UTS2B: variants seen among roughly 807,000 people sequenced by gnomAD.
UTS2B encodes the protein urotensin 2B.
A neutral mutation model predicts 19.2 loss-of-function variants in UTS2B; 21 were observed. The observed-to-expected ratio is 1.09, with a 90% CI of 0.78 to 1.58. UTS2B has a LOEUF of 1.58. Among genes scored for constraint, UTS2B ranks in the 40% most tolerant of loss-of-function variants. The pLI is 0.00. For missense variants in UTS2B, 138 were observed against 130.3 expected (o/e 1.06, Z -0.29); for synonymous variants, 57 against 50.2 (o/e 1.14, Z -0.58).
At chr3:191,319,886 CTT>C (rs34656108) in intron 2 of UTS2B, among the ~76,000 whole-genome samples, 1,592 of 143,066 alleles carry the variant, frequency 0.011, 28 homozygotes, top group African/African-American at 0.037. Context: ...AAAAAAGCCA[CTT>C]TTTTTTTTTT....
chr3:191,338,505 A>C, the UTS2B span, among the ~76,000 whole-genome samples: 49 of 152,192 alleles, frequency 3.2e-4, no homozygotes, highest in African/African-American at 1.1e-3. Flanking sequence ...CAATGTCTGC[A>C]TTTATAGATC....
At chr3:191,306,548 C>G (rs1436093233) in intron 3 of UTS2B, among the ~76,000 whole-genome samples, 1 of 152,176 alleles carries the variant, frequency 6.6e-6, no homozygotes, top group Non-Finnish European at 1.5e-5. Context: ...TATAATGGTT[C>G]AGAAGACCTG....
chr3:191,338,932 A>C, the UTS2B span, among the ~76,000 whole-genome samples: 1 of 152,296 alleles, frequency 6.6e-6, no homozygotes, highest in East Asian at 1.9e-4. Context: ...TGCTGTTACT[A>C]GAGTATTCAG....
At chr3:191,339,571 T>G in the UTS2B span, among the ~76,000 whole-genome samples, 1 of 152,184 alleles carries the variant, frequency 6.6e-6, no homozygotes, top group South Asian at 2.1e-4. Flanking sequence ...GTAGCAATCA[T>G]AGAGAAATCT....
At chr3:191,270,447 CT>C (rs1716057018) in intron 8 of UTS2B, among the ~76,000 whole-genome samples, 1 of 152,200 alleles carries the variant, frequency 6.6e-6, no homozygotes, top group South Asian at 2.1e-4. Flanking sequence ...ATTCTCCTGC[CT>C]TGGCCTCCCA....
chr3:191,297,498 T>C (rs1376280863), intron 4 of UTS2B, among the ~76,000 whole-genome samples: 3 of 152,240 alleles, frequency 2.0e-5, no homozygotes, highest in African/African-American at 7.2e-5. Context: ...AAATAATTCC[T>C]TGATTCTCTT....
chr3:191,311,116 A>G (rs1329237320), intron 3 of UTS2B, among the ~76,000 whole-genome samples: 1 of 152,262 alleles, frequency 6.6e-6, no homozygotes, highest in African/African-American at 2.4e-5. Flanking sequence ...GACTGGGATC[A>G]AAACTCCATT....
At chr3:191,328,769 A>G (rs575644237) in intron 1 of UTS2B, 60 bp from the exon 2 acceptor site, 2 of 152,388 alleles carry the variant, frequency 1.3e-5, no homozygotes, top group East Asian at 1.9e-4. Context: ...GCTATAACAG[A>G]GATAAGTCTG....
intron 8 of UTS2B, among the ~76,000 whole-genome samples, chr3:191,273,746 A>G (rs952303595): frequency 1.3e-5 from 2 of 152,214 alleles, no homozygotes; most frequent in Admixed American, 6.5e-5. Flanking sequence ...CTTCTCCTCC[A>G]GTTATCCTTG....
intron 7 of UTS2B, 31 bp from the exon 8 acceptor site, chr3:191,275,376 G>C (rs769279923): frequency 2.5e-6 from 4 of 1,574,486 alleles, no homozygotes; most frequent in Non-Finnish European, 8.7e-7. Flanking sequence ...TAATTAATTG[G>C]TCTTCTATAA....
At chr3:191,304,335 G>A (rs73888536) in intron 4 of UTS2B, among the ~76,000 whole-genome samples, 157 bp downstream of exon 4, 1 of 152,120 alleles carries the variant, frequency 6.6e-6, no homozygotes, top group African/African-American at 2.4e-5. Context: ...AAATATGCTG[G>A]TTTCCTTGAT....
In UTS2B at chr3:191,310,327, C is replaced by A. The variant is rs115885219; in HGVS notation, c.-182+5709G>T. ...CCTAACACGAAGATAGAGATAACAT[C>A]CCCTTTCAAAACAAATAGTAGGTTT... On this transcript the variant is annotated intron_variant, in intron 3 of 8. Coordinates refer to ENST00000340524, the MANE Select transcript of UTS2B (RefSeq NM_198152.5). Among the ~76,000 whole-genome samples, 256 of 151,906 alleles carry A rather than the reference C, an allele frequency of 1.7e-3. 2 individuals carry two copies. Among genetic ancestry groups the A allele is most frequent in the African/African-American group, 5.7e-3 (234 of 41,384 alleles).
intron 2 of UTS2B, among the ~76,000 whole-genome samples, chr3:191,321,354 C>A (rs1246988530): frequency 6.6e-6 from 1 of 152,122 alleles, no homozygotes; most frequent in Non-Finnish European, 1.5e-5. Flanking sequence ...TTTTTAAAAT[C>A]TTAGATTAAT....
chr3:191,273,051 C>T (rs1716133195), intron 8 of UTS2B, among the ~76,000 whole-genome samples: 1 of 151,984 alleles, frequency 6.6e-6, no homozygotes, highest in South Asian at 2.1e-4. Context: ...ACCTGTAGTC[C>T]CATCTACTCG....
chr3:191,336,312 G>T, the UTS2B span, among the ~76,000 whole-genome samples: 3 of 151,894 alleles, frequency 2.0e-5, no homozygotes, highest in Middle Eastern at 3.2e-3. Flanking sequence ...CTGCATCCTT[G>T]CTGGCATTTG....
intron 4 of UTS2B, among the ~76,000 whole-genome samples, chr3:191,286,161 C>G (rs1298876031): frequency 6.6e-6 from 1 of 152,050 alleles, no homozygotes; most frequent in Non-Finnish European, 1.5e-5. Context: ...AGAGAGAGAT[C>G]AGCTATAATA....
chr3:191,272,632 G>T (rs540509160), intron 8 of UTS2B, among the ~76,000 whole-genome samples: 1 of 151,546 alleles, frequency 6.6e-6, no homozygotes, highest in Non-Finnish European at 1.5e-5. Context: ...AGGCAGAAGC[G>T]GGTGGATCAC....
At chr3:191,306,109 C>T (rs943607058) in intron 3 of UTS2B, among the ~76,000 whole-genome samples, 2 of 152,162 alleles carry the variant, frequency 1.3e-5, no homozygotes, top group Non-Finnish European at 2.9e-5. Context: ...GTGATGCCTC[C>T]AGCTTTGTTC....
chr3:191,301,771 G>C (rs948819009), intron 4 of UTS2B, among the ~76,000 whole-genome samples: 34 of 151,852 alleles, frequency 2.2e-4, no homozygotes, highest in African/African-American at 8.0e-4. Context: ...TTACAGGCGT[G>C]AGCCACCACG....
Sources: allele counts gnomAD v4.1 joint callset (sites outside exome capture counted in the v4.1 genomes callset), GRCh38; gene constraint gnomAD v4.1.1; transcripts MANE v1.5; gene names NCBI Gene and HGNC (gene_info 2026-07-23, HGNC 2026-07-21).